The following ATP7A variants were observed in gnomAD, a reference collection of about 807,000 sequenced individuals.
ATP7A encodes the protein ATPase copper transporting alpha, also known as copper-transporting ATPase 1.
Under a neutral mutation model 83.5 loss-of-function variants are expected in ATP7A, and 7 were observed. The ratio of observed to expected loss-of-function variants is 0.08; its 90% CI spans 0.05 to 0.16. The LOEUF (loss-of-function observed/expected upper bound fraction) is 0.16. Among genes scored for constraint, ATP7A ranks in the 10% least tolerant of loss-of-function variants. ATP7A has a pLI of 1.00. For synonymous variants in ATP7A, 354 were observed against 395.2 expected (o/e 0.90, Z 1.24); for missense variants, 940 against 1,120.8 (o/e 0.84, Z 2.30).
At chrX:78,045,650 G>A in intron 22 of ATP7A, 78 bp downstream of exon 22, 1 of 934,627 alleles carries the variant, frequency 1.1e-6, no homozygotes, top group Non-Finnish European at 1.5e-6. Context: ...TTTTATTCTT[G>A]TATTGATCAA....
intron 2 of ATP7A, among the ~76,000 whole-genome samples, chrX:77,974,064 G>A (rs573845239): frequency 2.7e-5 from 3 of 110,570 alleles, no homozygotes; most frequent in Non-Finnish European, 3.8e-5. Flanking sequence ...ATCCTGGAAC[G>A]TAGCCAAACT....
intron 1 of ATP7A, chrX:77,969,247 G>C (rs375438789): frequency 9.1e-6 from 11 of 1,210,471 alleles, no homozygotes; most frequent in Non-Finnish European, 1.2e-5. Flanking sequence ...GCTGTAGAAA[G>C]GATGGTCGGG....
intron 21 of ATP7A, among the ~76,000 whole-genome samples, chrX:78,044,002 C>A (rs782445033): frequency 9.4e-6 from 1 of 106,775 alleles, no homozygotes; most frequent in Admixed American, 1.0e-4. Context: ...CACCTGTAAT[C>A]CCAGCACTTT....
At chrX:77,955,548 G>A (rs1345591582) in intron 1 of ATP7A, among the ~76,000 whole-genome samples, 2 of 111,129 alleles carry the variant, frequency 1.8e-5, no homozygotes, top group African/African-American at 6.5e-5. Flanking sequence ...TATTTATGGG[G>A]TACAATTTGA....
intron 21 of ATP7A, among the ~76,000 whole-genome samples, chrX:78,044,448 T>C (rs1231671713): frequency 8.9e-6 from 1 of 111,816 alleles, no homozygotes; most frequent in African/African-American, 3.3e-5. Flanking sequence ...GATTTACCTT[T>C]AATCTGACTA....
intron 21 of ATP7A, among the ~76,000 whole-genome samples, chrX:78,044,354 T>C: frequency 9.0e-6 from 1 of 111,251 alleles, no homozygotes; most frequent in Non-Finnish European, 1.9e-5. Context: ...CAACTGATGG[T>C]ATTTTGCCAC....
rs782719828 is a variant in ATP7A, at chrX:77,971,163, G to C, written c.-21-458G>C. On this transcript the variant is annotated intron_variant, in intron 1 of 22. Coordinates refer to ENST00000341514, the MANE Select transcript of ATP7A (RefSeq NM_000052.7). ...GGCCAGTATGACTGGCACAGAGAAG[G>C]GTTTGGTGAGTGGTAGAAGAGGAGG... Among the ~76,000 whole-genome samples the C allele has an allele frequency of 3.6e-5, 4 of 111,875 alleles. No homozygotes were observed. The East Asian group carries it at 1.1e-3, about 31-fold the overall frequency.
intron 1 of ATP7A, among the ~76,000 whole-genome samples, chrX:77,918,306 A>C (rs1197656492): frequency 1.8e-5 from 2 of 110,327 alleles, no homozygotes; most frequent in African/African-American, 6.6e-5. Flanking sequence ...TCCTGGGTTC[A>C]AGTGATTCTC....
chrX:78,049,696 C>A lies in ATP7A; in HGVS notation c.*3126C>A, dbSNP rs1569550417. ...GTGCTTTAATTTTTTAAAAAGTATT[C>A]TTTATTCATATGTATAGAATGCTTA... On this transcript the variant is annotated 3_prime_UTR_variant, in exon 23 of 23. Coordinates refer to ENST00000341514, the MANE Select transcript of ATP7A (RefSeq NM_000052.7). The A allele has an allele frequency of 8.9e-6, 1 of 112,399 alleles. No individual in the cohort carries two copies. The highest frequency in any genetic ancestry group is 1.9e-5 in the Non-Finnish European group (1 of 53,100). 9.3% of individuals were successfully genotyped at this position (112,399 alleles called of 1,213,427 possible). A position where few individuals can be genotyped will look rare whatever the true frequency, so the allele number is the denominator to read the frequency against.
At chrX:77,922,031 G>A (rs2077218852) in intron 1 of ATP7A, among the ~76,000 whole-genome samples, 1 of 111,205 alleles carries the variant, frequency 9.0e-6, no homozygotes, top group African/African-American at 3.3e-5. Context: ...CTGGCCTCAA[G>A]AAGTCCTCCT....
At chrX:78,020,740 C>T (rs1319692061) in intron 13 of ATP7A, among the ~76,000 whole-genome samples, 4 of 110,971 alleles carry the variant, frequency 3.6e-5, no homozygotes, top group South Asian at 3.8e-4. Context: ...AGGATGGTCT[C>T]GAACTCCTGG....
At chrX:77,979,340 T>C (rs2149077880) in intron 2 of ATP7A, among the ~76,000 whole-genome samples, 1 of 111,633 alleles carries the variant, frequency 9.0e-6, no homozygotes, top group African/African-American at 3.2e-5. Context: ...TAGTTCAACA[T>C]GATCATACAT....
In ATP7A at chrX:78,048,308, C is replaced by G. The variant is rs1367854472; in HGVS notation, c.*1738C>G. 3.6e-5 allele frequency: 4 copies of G among 112,176 alleles called. No individual in the cohort carries two copies. In the Admixed American group the frequency reaches 3.8e-4, roughly 11 times the overall value. 9.2% of individuals were successfully genotyped at this position (112,176 alleles called of 1,213,427 possible). Reference sequence around the variant, plus strand: ...ATGAAGAGGACTCATAAGTAAATTCCTAACATTTTGTTCCCATTACCAGAA... The same window carrying G: ...ATGAAGAGGACTCATAAGTAAATTCGTAACATTTTGTTCCCATTACCAGAA... On this transcript the variant is annotated 3_prime_UTR_variant, in exon 23 of 23. Transcript: ENST00000341514.
intron 1 of ATP7A, among the ~76,000 whole-genome samples, chrX:77,921,992 G>A (rs189118589): frequency 3.0e-4 from 33 of 110,493 alleles, no homozygotes; most frequent in Admixed American, 4.8e-4. Context: ...ATGGGGTCTC[G>A]CTATGTTGCT....
intron 1 of ATP7A, among the ~76,000 whole-genome samples, chrX:77,967,126 C>T (rs1176116608): frequency 5.4e-5 from 6 of 111,795 alleles, no homozygotes; most frequent in African/African-American, 2.0e-4. Context: ...TGTATATGTA[C>T]CACATTTTCT....
At chrX:77,962,785 C>A in intron 1 of ATP7A, 1 of 389,630 alleles carries the variant, frequency 2.6e-6, no homozygotes, top group South Asian at 2.3e-5. Flanking sequence ...TCTACAGTAT[C>A]AGCTCAAGTG....
At chrX:77,968,427 A>G (rs1557229068) in intron 1 of ATP7A, among the ~76,000 whole-genome samples, 1 of 112,284 alleles carries the variant, frequency 8.9e-6, no homozygotes, top group Non-Finnish European at 1.9e-5. Context: ...GATTACATTC[A>G]TCTTCCACTG....
chrX:77,921,029 C>G (rs925534717), intron 1 of ATP7A, among the ~76,000 whole-genome samples: 2 of 112,135 alleles, frequency 1.8e-5, no homozygotes, highest in African/African-American at 3.2e-5. Context: ...AAATTTCATC[C>G]ATGTTGTAGT....
At chrX:78,007,153 C>T (rs1254787406) in intron 6 of ATP7A, among the ~76,000 whole-genome samples, 3 of 111,672 alleles carry the variant, frequency 2.7e-5, no homozygotes, top group Non-Finnish European at 5.6e-5. Context: ...TCCAATTGTT[C>T]CATATGCATG....
Sources: gnomAD v4.1 joint callset for allele counts (sites outside exome capture counted in the v4.1 genomes callset) on GRCh38, gnomAD v4.1.1 for gene constraint, MANE v1.5 for transcripts, NCBI Gene and HGNC (gene_info 2026-07-23, HGNC 2026-07-21) for gene names.